Variants in ADAMTSL4 observed in about 807,000 individuals in gnomAD.
ADAMTSL4 encodes ADAMTS-like protein 4.
A neutral mutation model predicts 122.8 loss-of-function variants in ADAMTSL4; 97 were observed. The ratio of observed to expected loss-of-function variants is 0.79; its 90% CI spans 0.67 to 0.93. ADAMTSL4 has a LOEUF of 0.93. ADAMTSL4 is among the 40% of genes least tolerant of loss of function. ADAMTSL4 has a pLI of 0.00. For missense variants in ADAMTSL4, 1,408 were observed against 1,453.5 expected (o/e 0.97, Z 0.51); for synonymous variants, 592 against 568.0 (o/e 1.04, Z -0.60).
chr1:150,556,151 A>G lies in ADAMTSL4; in HGVS notation c.1372-11A>G. The G allele has an allele frequency of 6.2e-7, 1 of 1,612,846 alleles. No individual in the cohort carries two copies. The highest frequency in any genetic ancestry group is 8.5e-7 in the Non-Finnish European group (1 of 1,179,728). ...CGTTCTGTGGCCACTGCCTCACCTC[A>G]CTCTCTCCAGAGCCCCGGCTGTGAT... On this transcript the variant is annotated splice_polypyrimidine_tract_variant and intron_variant, in intron 8 of 18. Transcript: ENST00000271643. The surrounding 1 kb of genome is among the most constrained non-coding windows in gnomAD (Gnocchi z 4.1).
At position 150,553,849 on chromosome 1, in the gene ADAMTSL4, C is replaced by T. The variant is rs1570929544; in HGVS notation, c.858C>T (p.Ser286=). ...CCCCTCAGCCACGAAGGCCAAGTTCCCAGGGTTGGGCCAGTCCCCAGGTAG... is the reference window on the plus strand; with the variant it reads ...CCCCTCAGCCACGAAGGCCAAGTTCTCAGGGTTGGGCCAGTCCCCAGGTAG... ...RASPQPRRPS[S]QGWASPQVAG... is the part of the protein sequence containing the mutation. The change falls in exon 6 of 19, where the codon TCC becomes TCT. Residue 286 remains serine, a synonymous_variant. Coordinates refer to ENST00000271643, the MANE Select transcript of ADAMTSL4 (RefSeq NM_019032.6). 1 of 1,614,118 alleles carries T rather than the reference C, an allele frequency of 6.2e-7. No individual in the cohort carries two copies.
In ADAMTSL4 at chr1:150,553,071, C is replaced by T. The variant is rs1189770054; in HGVS notation, c.252C>T (p.Leu84=). 1.2e-6 allele frequency: 2 copies of T among 1,613,334 alleles called. No homozygotes were observed. Among genetic ancestry groups the T allele is most frequent in the Non-Finnish European group, 8.5e-7 (1 of 1,179,840 alleles). ...PTVQLHPSLP[L]PPRPPRHPEA... is the part of the protein sequence containing the mutation. ...TGCAGCTCCACCCGAGTCTGCCCCT[C>T]CCTCCCCGGCCCCCAAGACATCCAG... Residue 84 remains leucine, a synonymous_variant, in exon 5 of 19, where the codon CTC becomes CTT. Transcript: ENST00000271643.
intron 2 of ADAMTSL4, chr1:150,550,287 T>G: frequency 2.2e-6 from 1 of 448,518 alleles, no homozygotes; most frequent in South Asian, 1.6e-5. Context: ...GTGAGAAGCA[T>G]AAATGTGCGT....
chr1:150,556,409 G>T lies in ADAMTSL4; in HGVS notation c.1576+43G>T. On this transcript the variant is annotated intron_variant, in intron 9 of 18. Transcript: ENST00000271643. The surrounding 1 kb of genome is among the most constrained non-coding windows in gnomAD (Gnocchi z 4.1). Reference sequence around the variant, plus strand: ...TCCCCTTCCACTTCCGTCTCTGTTCGGCCCTCCATACCCCTACTCAGAGCA... The same window carrying T: ...TCCCCTTCCACTTCCGTCTCTGTTCTGCCCTCCATACCCCTACTCAGAGCA... The T allele has an allele frequency of 6.2e-7, 1 of 1,610,062 alleles. No individual in the cohort carries two copies. Among genetic ancestry groups the T allele is most frequent in the Non-Finnish European group, 8.5e-7 (1 of 1,177,864 alleles).
At chr1:150,558,325 C>G in intron 14 of ADAMTSL4, 148 bp from the exon 15 acceptor site, 1 of 1,518,684 alleles carries the variant, frequency 6.6e-7, no homozygotes, top group South Asian at 1.2e-5. Context: ...GCCCAGGGCC[C>G]TAGGGCTCAG....
Position 150,553,147 on chromosome 1 carries a change from A to G in ADAMTSL4, c.328A>G (p.Thr110Ala). 1 of 1,609,998 alleles carries G rather than the reference A, an allele frequency of 6.2e-7. No homozygotes were observed. The highest frequency in any genetic ancestry group is 8.5e-7 in the Non-Finnish European group (1 of 1,178,606). The change falls in exon 5 of 19, where the codon ACC (threonine) becomes GCC (alanine). Residue 110 changes from threonine to alanine, a missense_variant. By Grantham distance (58) the Thr-to-Ala change is moderately conservative. Transcript: ENST00000271643. ...QGPRPQTSPE[T>A]LPLYRTQSRG... is the part of the protein sequence containing the mutation. The stretch of plus-strand genomic sequence containing the variant: ...TCCCAGACCCCAGACTTCTCCAGAA[A>G]CCCTCCCCTTGTACAGGACACAGTC...
intron 8 of ADAMTSL4, 91 bp downstream of exon 8, chr1:150,555,656 T>TGAACACATGCACACATGC: frequency 6.4e-7 from 1 of 1,563,316 alleles, no homozygotes; most frequent in Non-Finnish European, 8.7e-7. Context: ...CACATATGTA[T>TGAACACATGCACACATGC]GAACACATGC....
Position 150,556,396 on chromosome 1 carries a change from TC to T in ADAMTSL4, c.1576+32del. 1 of 1,613,024 alleles carries T rather than the reference TC, an allele frequency of 6.2e-7. No homozygotes were observed. Among genetic ancestry groups the T allele is most frequent in the East Asian group, 2.2e-5 (1 of 44,850 alleles). On this transcript the variant is annotated intron_variant, in intron 9 of 18. Coordinates refer to ENST00000271643, the MANE Select transcript of ADAMTSL4 (RefSeq NM_019032.6). The surrounding 1 kb of genome is among the most constrained non-coding windows in gnomAD (Gnocchi z 4.1). Reference sequence around the variant, plus strand: ...GCACCCAGCTGCCTCCCCTTCCACTTCCGTCTCTGTTCGGCCCTCCATACCC... The same window carrying T: ...GCACCCAGCTGCCTCCCCTTCCACTTCGTCTCTGTTCGGCCCTCCATACCC...
Position 150,556,352 on chromosome 1 carries a change from G to T in ADAMTSL4, c.1562G>T (p.Ser521Ile). Residue 521 changes from serine (S) to isoleucine (I), a missense_variant, in exon 9 of 19, where the codon AGC becomes ATC. Coordinates refer to ENST00000271643, the MANE Select transcript of ADAMTSL4 (RefSeq NM_019032.6). This position sits in a 1 kb window ranked among gnomAD's most constrained non-coding sequence, Gnocchi z 4.1. The stretch of plus-strand genomic sequence containing the variant: ...CTCCAGATTGCCCAGCTCCGGCCTA[G>T]CTCCAACTACCTGGGTGAGCACCCA... Reference protein sequence around the residue: ...LRLQIAQLRPSSNYLALRGPG... With the variant: ...LRLQIAQLRPISNYLALRGPG... 1 of 1,614,014 alleles carries T rather than the reference G, an allele frequency of 6.2e-7. No homozygotes were observed. The highest frequency in any genetic ancestry group is 8.5e-7 in the Non-Finnish European group (1 of 1,180,004).
chr1:150,556,597 C>CGATCTCTCA lies in ADAMTSL4; in HGVS notation c.1577-23_1577-15dup, dbSNP rs1672150429. 1.2e-6 allele frequency: 2 copies of CGATCTCTCA among 1,613,846 alleles called. No individual in the cohort carries two copies. The highest frequency in any genetic ancestry group is 1.7e-6 in the Non-Finnish European group (2 of 1,179,972). On this transcript the variant is annotated intron_variant, in intron 9 of 18. Coordinates refer to ENST00000271643, the MANE Select transcript of ADAMTSL4 (RefSeq NM_019032.6). The surrounding 1 kb of genome is among the most constrained non-coding windows in gnomAD (Gnocchi z 4.1). Reference sequence around the variant, plus strand: ...AAGGTATTATCACCCTGGAATTTCCCGATCTCTCACCTCTGACCCGCAGCA... The same window carrying CGATCTCTCA: ...AAGGTATTATCACCCTGGAATTTCCCGATCTCTCAGATCTCTCACCTCTGACCCGCAGCA...
Position 150,553,444 on chromosome 1 carries a change from C to T in ADAMTSL4, c.453C>T (p.Pro151=). The change falls in exon 6 of 19, where the codon CCC becomes CCT. Residue 151 remains proline, a synonymous_variant. Transcript: ENST00000271643. ...TTCTCAGGTCCCGGCTTCGAGACCCCATCAAGCCAGGAATGTTCGGTTATG... is the reference window on the plus strand; with the variant it reads ...TTCTCAGGTCCCGGCTTCGAGACCCTATCAAGCCAGGAATGTTCGGTTATG... ...RAARRSRLRD[P]IKPGMFGYGR... is the part of the protein sequence containing the mutation. 1 of 1,613,964 alleles carries T rather than the reference C, an allele frequency of 6.2e-7. No homozygotes were observed. The highest frequency in any genetic ancestry group is 8.5e-7 in the Non-Finnish European group (1 of 1,179,970).
At chr1:150,555,920 C>T (rs1258302530) in intron 8 of ADAMTSL4, 2 of 612,720 alleles carry the variant, frequency 3.3e-6, no homozygotes, top group Non-Finnish European at 5.8e-6. Context: ...AACAACAAAA[C>T]ACCATACTGA....
In ADAMTSL4 at chr1:150,559,333, G is replaced by T; in HGVS notation, c.2810G>T (p.Cys937Phe). 1 of 1,614,064 alleles carries T rather than the reference G, an allele frequency of 6.2e-7. No homozygotes were observed. Among genetic ancestry groups the T allele is most frequent in the African/African-American group, 1.3e-5 (1 of 75,024 alleles). Residue 937 changes from cysteine to phenylalanine, a missense_variant, in exon 17 of 19, where the codon TGT becomes TTT. By Grantham distance (205) the Cys-to-Phe change is radical. Coordinates refer to ENST00000271643, the MANE Select transcript of ADAMTSL4 (RefSeq NM_019032.6). This position sits in a 1 kb window ranked among gnomAD's most constrained non-coding sequence, Gnocchi z 4.1. ...GGCACACAGCGTAGAGACATCATCTGTGTATCCAAACTGGGGACGGAGTTC... is the reference window on the plus strand; with the variant it reads ...GGCACACAGCGTAGAGACATCATCTTTGTATCCAAACTGGGGACGGAGTTC... ...GSGTQRRDII[C>F]VSKLGTEFNV...
In ADAMTSL4 at chr1:150,550,831, G is replaced by A. The variant is rs1016232306; in HGVS notation, c.-85+936G>A. ...CACTCTGACCCCTCCCTCAAATTCC[G>A]AACCCTAGGTCTCAGGGAGGGCAGT... On this transcript the variant is annotated intron_variant, in intron 2 of 18. Coordinates refer to ENST00000271643, the MANE Select transcript of ADAMTSL4 (RefSeq NM_019032.6). 21 of 456,478 alleles carry A rather than the reference G, an allele frequency of 4.6e-5. No homozygotes were observed. The East Asian group carries it at 7.0e-4, about 15-fold the overall frequency. 28.3% of individuals were successfully genotyped at this position (456,478 alleles called of 1,614,324 possible).
At chr1:150,557,368 G>T (rs367807026) in intron 12 of ADAMTSL4, 33 bp downstream of exon 12, 3 of 1,602,754 alleles carry the variant, frequency 1.9e-6, no homozygotes, top group Non-Finnish European at 2.6e-6. Context: ...CCGCATCTCG[G>T]TCCAAACCCC....
At position 150,553,699 on chromosome 1, in the gene ADAMTSL4, TCAGA is replaced by T. The variant is rs775965947; in HGVS notation, c.713_716del (p.Thr238ArgfsTer31). 2.5e-6 allele frequency: 4 copies of T among 1,607,696 alleles called. No homozygotes were observed. Among genetic ancestry groups the T allele is most frequent in the Non-Finnish European group, 2.5e-6 (3 of 1,178,398 alleles). On this transcript the variant is annotated frameshift_variant, in exon 6 of 19. Transcript: ENST00000271643. LOFTEE classifies it high-confidence loss of function. ...CAGAACCTCTAAGCCCTGAAACTGCTCAGACAGAGGTGGCCCCCAGAACCAGGCC... is the reference window on the plus strand; with the variant it reads ...CAGAACCTCTAAGCCCTGAAACTGCTCAGAGGTGGCCCCCAGAACCAGGCC...
rs41317521 is a variant in ADAMTSL4, at chr1:150,554,201, C to T, written c.1131+79C>T. ...GCCCTGAAGCTGGGTCTTCAGCTTC[C>T]GCTTGGCACCTGAGGGAGAAGGGCC... is the stretch of plus-strand genomic sequence containing the variant. On this transcript the variant is annotated intron_variant, in intron 6 of 18. Coordinates refer to ENST00000271643, the MANE Select transcript of ADAMTSL4 (RefSeq NM_019032.6). This position sits in a 1 kb window ranked among gnomAD's most constrained non-coding sequence, Gnocchi z 4.0. The T allele has an allele frequency of 6.3e-5, 97 of 1,532,334 alleles. No homozygotes were observed. The Middle Eastern group carries it at 6.6e-4, about 10-fold the overall frequency. 94.9% of individuals were successfully genotyped at this position (1,532,334 alleles called of 1,614,324 possible).
In ADAMTSL4 at chr1:150,552,518, C is replaced by G; in HGVS notation, c.21-25C>G. The G allele has an allele frequency of 1.9e-6, 3 of 1,613,974 alleles. No individual in the cohort carries two copies. The highest frequency in any genetic ancestry group is 2.5e-6 in the Non-Finnish European group (3 of 1,179,920). Reference sequence around the variant, plus strand: ...ACCCCCTCTGGCTCCAGTCTGACGTCCCTCCCCTGGCCTTTGGTTTGCAGG... The same window carrying G: ...ACCCCCTCTGGCTCCAGTCTGACGTGCCTCCCCTGGCCTTTGGTTTGCAGG... On this transcript the variant is annotated intron_variant, in intron 3 of 18. Coordinates refer to ENST00000271643, the MANE Select transcript of ADAMTSL4 (RefSeq NM_019032.6). The surrounding 1 kb of genome is among the most constrained non-coding windows in gnomAD (Gnocchi z 4.0).
rs770558159 is a variant in ADAMTSL4, at chr1:150,552,345, G to C, written c.20+37G>C. ...GGCCACGGGTTGGGGGGGAGGAAAA[G>C]GGGAGGTGCTGGGATGGCTCTGTGT... On this transcript the variant is annotated intron_variant, in intron 3 of 18. Transcript: ENST00000271643. This position sits in a 1 kb window ranked among gnomAD's most constrained non-coding sequence, Gnocchi z 4.0. 5 of 1,552,394 alleles carry C rather than the reference G, an allele frequency of 3.2e-6. No homozygotes were observed. In the African/African-American group the frequency reaches 5.5e-5, roughly 17 times the overall value.
Sources: allele counts gnomAD v4.1 joint callset, GRCh38; gene constraint gnomAD v4.1.1; non-coding constraint Gnocchi (gnomAD v3.1); transcripts MANE v1.5; gene names NCBI Gene and HGNC (gene_info 2026-07-23, HGNC 2026-07-21).